The following SP140L variants were observed in gnomAD, a reference collection of about 807,000 sequenced individuals.
The protein encoded by SP140L is nuclear body protein SP140-like protein.
In SP140L, 64 loss-of-function variants were observed where a neutral mutation model predicts 84.3. The ratio of observed to expected loss-of-function variants is 0.76; its 90% CI spans 0.62 to 0.94. The LOEUF (loss-of-function observed/expected upper bound fraction) is 0.94, where lower values mean the gene tolerates loss of function less well. Among genes scored for constraint, SP140L ranks in the 40% least tolerant of loss-of-function variants. The pLI is 0.00. For synonymous variants in SP140L, 242 were observed against 236.9 expected, an observed-to-expected ratio of 1.02 and a Z score of -0.20; for missense variants, 628 against 692.5, an observed-to-expected ratio of 0.91 and a Z score of 1.05.
At chr2:230,398,285 G>A (rs1017904096) in intron 14 of SP140L, among the ~76,000 whole-genome samples, 2 of 152,096 alleles carry the variant, frequency 1.3e-5, no homozygotes, top group African/African-American at 4.8e-5. Flanking sequence ...TCTGGTGTTG[G>A]GTTCAGGACA....
intron 2 of SP140L, among the ~76,000 whole-genome samples, chr2:230,352,842 A>G (rs2060406441): frequency 6.7e-6 from 1 of 149,944 alleles, no homozygotes; most frequent in Non-Finnish European, 1.5e-5. Flanking sequence ...GTATACACAC[A>G]TGCACACACA....
At chr2:230,373,205 AG>A (rs2061142439) in intron 7 of SP140L, among the ~76,000 whole-genome samples, 2 of 152,262 alleles carry the variant, frequency 1.3e-5, no homozygotes, top group African/African-American at 4.8e-5. Flanking sequence ...AAGCTACAGC[AG>A]GTTGTCCAGA....
chr2:230,375,289 T>G (rs1034913043), intron 7 of SP140L, among the ~76,000 whole-genome samples: 1 of 152,196 alleles, frequency 6.6e-6, no homozygotes, highest in African/African-American at 2.4e-5. Flanking sequence ...TCACATTTCT[T>G]TATCCATTCA....
chr2:230,400,189 T>A lies in SP140L; in HGVS notation c.1260T>A (p.Thr420=), dbSNP rs1285255784. The change falls in exon 15 of 19, where the codon ACT becomes ACA. Residue 420 remains threonine (T), a synonymous_variant. Transcript: ENST00000415673. ...GAGGGGAGCTGTTCTGTTGCGACAC[T>A]TGTTCAAGAGTCTTCCATGAGGACT... The part of the protein sequence containing the change: ...RDGGELFCCD[T]CSRVFHEDCH... The A allele has an allele frequency of 6.2e-7, 1 of 1,614,178 alleles. No homozygotes were observed. Among genetic ancestry groups the A allele is most frequent in the East Asian group, 2.2e-5 (1 of 44,884 alleles).
At position 230,370,898 on chromosome 2, in the gene SP140L, T is replaced by C. The variant is rs756678438; in HGVS notation, c.524-10T>C. 1 of 1,613,050 alleles carries C rather than the reference T, an allele frequency of 6.2e-7. No homozygotes were observed. Among genetic ancestry groups the C allele is most frequent in the Non-Finnish European group, 8.5e-7 (1 of 1,179,358 alleles). The stretch of plus-strand genomic sequence containing the variant: ...AAATGAGAAGTGTTCCTATGTCATG[T>C]GTTTCTCAGGAGAAGTGCCAGAAAG... On this transcript the variant is annotated splice_polypyrimidine_tract_variant and intron_variant, in intron 5 of 18. Coordinates refer to ENST00000415673, the MANE Select transcript of SP140L (RefSeq NM_138402.6).
intron 4 of SP140L, among the ~76,000 whole-genome samples, chr2:230,360,374 G>A (rs2060678173): frequency 6.6e-6 from 1 of 152,078 alleles, no homozygotes; most frequent in African/African-American, 2.4e-5. Context: ...AAATACTACA[G>A]GTTTATAAAC....
chr2:230,400,371 G>C (rs995104903), intron 15 of SP140L, 129 bp downstream of exon 15: 4 of 887,758 alleles, frequency 4.5e-6, no homozygotes, highest in Non-Finnish European at 7.0e-6. Flanking sequence ...CTGGGACCCA[G>C]CAGTGTGATC....
chr2:230,394,925 A>G (rs1410298407), intron 13 of SP140L, among the ~76,000 whole-genome samples: 5 of 152,188 alleles, frequency 3.3e-5, no homozygotes, highest in Non-Finnish European at 7.3e-5. Context: ...GGTGTTGTAA[A>G]ACAATCTGAT....
At chr2:230,348,140 A>T (rs965963238) in intron 2 of SP140L, among the ~76,000 whole-genome samples, 7 of 152,230 alleles carry the variant, frequency 4.6e-5, no homozygotes, top group Non-Finnish European at 8.8e-5. Context: ...CCCTCTTGAT[A>T]TGGCACTTTG....
chr2:230,356,544 A>T (rs1369401906), intron 2 of SP140L, among the ~76,000 whole-genome samples: 13 of 152,252 alleles, frequency 8.5e-5, no homozygotes, highest in African/African-American at 2.9e-4. Context: ...CATCTGACAG[A>T]ATAAATGACA....
Position 230,336,512 on chromosome 2 carries a change from C to T in SP140L, c.107+7681C>T, listed in dbSNP as rs113909658. Among the ~76,000 whole-genome samples the T allele has an allele frequency of 6.1e-3, 934 of 152,282 alleles. 15 individuals carry two copies. Among genetic ancestry groups the T allele is most frequent in the African/African-American group, 0.02 (850 of 41,544 alleles). On this transcript the variant is annotated intron_variant, in intron 2 of 18. Coordinates refer to ENST00000415673, the MANE Select transcript of SP140L (RefSeq NM_138402.6). ...TATGAGGAGGAAACAAGTTAAGCTA[C>T]GCACCAAGCACTTAGAAGAGTGAGT...
At chr2:230,352,346 C>T (rs1363257646) in intron 2 of SP140L, among the ~76,000 whole-genome samples, 1 of 152,092 alleles carries the variant, frequency 6.6e-6, no homozygotes, top group African/African-American at 2.4e-5. Flanking sequence ...ACAACCTTAA[C>T]AGGAATCATG....
Position 230,385,218 on chromosome 2 carries a change from C to G in SP140L, c.704-6C>G, listed in dbSNP as rs374309846. The G allele has an allele frequency of 6.2e-7, 1 of 1,613,246 alleles. No homozygotes were observed. On this transcript the variant is annotated splice_polypyrimidine_tract_variant and splice_region_variant and intron_variant, in intron 8 of 18. Coordinates refer to ENST00000415673, the MANE Select transcript of SP140L (RefSeq NM_138402.6). ...TATTAATACATTTTCCCTTGCCTAT[C>G]CCCAGATAACAGCAAAGCCGATGGC...
At chr2:230,360,438 T>C (rs1403115063) in intron 4 of SP140L, among the ~76,000 whole-genome samples, 1 of 152,214 alleles carries the variant, frequency 6.6e-6, no homozygotes, top group African/African-American at 2.4e-5. Flanking sequence ...TTTGTGTTAA[T>C]ACTAACAATA....
At chr2:230,402,622 A>G (rs2062402895) in intron 18 of SP140L, among the ~76,000 whole-genome samples, 176 bp from the exon 19 acceptor site, 1 of 152,252 alleles carries the variant, frequency 6.6e-6, no homozygotes, top group African/African-American at 2.4e-5. Flanking sequence ...TAATTATTCC[A>G]CATAGCAGTC....
At position 230,393,462 on chromosome 2, in the gene SP140L, G is replaced by GTGA; in HGVS notation, c.1155+3_1155+5dup. The GTGA allele has an allele frequency of 6.4e-7, 1 of 1,570,706 alleles. No individual in the cohort carries two copies. The highest frequency in any genetic ancestry group is 1.2e-5 in the South Asian group (1 of 82,170). On this transcript the variant is annotated splice_donor_variant, in intron 13 of 18. Coordinates refer to ENST00000415673, the MANE Select transcript of SP140L (RefSeq NM_138402.6). LOFTEE classifies it high-confidence loss of function. ...AAGAATATATTACAGGAACAAAAAGGTGATTATTACATAATTTTCTACAGA... is the reference window on the plus strand; with the variant it reads ...AAGAATATATTACAGGAACAAAAAGGTGATGATTATTACATAATTTTCTACAGA...
At chr2:230,341,709 C>T (rs2060048244) in intron 2 of SP140L, among the ~76,000 whole-genome samples, 1 of 151,848 alleles carries the variant, frequency 6.6e-6, no homozygotes, top group Non-Finnish European at 1.5e-5. Flanking sequence ...TTCCTTCTAA[C>T]AGAGAGGACC....
chr2:230,376,260 C>A (rs760528013), intron 7 of SP140L, among the ~76,000 whole-genome samples: 5 of 151,896 alleles, frequency 3.3e-5, no homozygotes, highest in Non-Finnish European at 7.4e-5. Flanking sequence ...CTAGTCAGAG[C>A]AATTAGGCAA....
intron 2 of SP140L, 134 bp downstream of exon 2, chr2:230,328,965 C>T (rs995568967): frequency 2.0e-4 from 265 of 1,347,546 alleles, no homozygotes; most frequent in East Asian, 3.6e-4. Context: ...CAATGTGATT[C>T]AGTTGAGGTG....
Sources: allele counts gnomAD v4.1 joint callset (sites outside exome capture counted in the v4.1 genomes callset), GRCh38; gene constraint gnomAD v4.1.1; transcripts MANE v1.5; gene names NCBI Gene and HGNC (gene_info 2026-07-23, HGNC 2026-07-21).